The following AK9 variants were observed in gnomAD, a reference collection of about 807,000 sequenced individuals.
AK9 encodes adenylate kinase 9.
A neutral mutation model predicts 239.6 loss-of-function variants in AK9; 191 were observed. That is an observed-to-expected ratio of 0.80 (90% CI 0.71 to 0.90). The LOEUF is 0.90. AK9 is among the 40% of genes least tolerant of loss of function. AK9 has a pLI of 0.00. For missense variants in AK9, 1,995 were observed against 2,214.7 expected, an observed-to-expected ratio of 0.90 and a Z score of 1.99; for synonymous variants, 689 against 721.0, an observed-to-expected ratio of 0.96 and a Z score of 0.71.
intron 20 of AK9, 98 bp from the exon 21 acceptor site, chr6:109,573,692 G>T: frequency 1.7e-6 from 2 of 1,171,908 alleles, no homozygotes; most frequent in South Asian, 1.6e-5. Context: ...AATATGAAAT[G>T]GTCCCTGCCC....
At chr6:109,504,381 A>C (rs1777898444) in intron 35 of AK9, among the ~76,000 whole-genome samples, 1 of 152,150 alleles carries the variant, frequency 6.6e-6, no homozygotes, top group African/African-American at 2.4e-5. Flanking sequence ...AAAAAATAAA[A>C]TTAAAGAATA....
chr6:109,606,054 T>C (rs922335850), intron 17 of AK9, among the ~76,000 whole-genome samples: 2 of 151,996 alleles, frequency 1.3e-5, no homozygotes, highest in Non-Finnish European at 2.9e-5. Flanking sequence ...GAAATCAAAC[T>C]CTCAAGAGTT....
intron 8 of AK9, among the ~76,000 whole-genome samples, chr6:109,650,503 A>AG (rs1798770825): frequency 2.0e-5 from 3 of 149,842 alleles, no homozygotes; most frequent in Admixed American, 2.0e-4. Flanking sequence ...CTGGCCGTCC[A>AG]AGAAATGCAA....
At chr6:109,606,139 T>C (rs1430629242) in intron 17 of AK9, among the ~76,000 whole-genome samples, 1 of 152,204 alleles carries the variant, frequency 6.6e-6, no homozygotes, top group African/African-American at 2.4e-5. Context: ...CTCATTCTTC[T>C]ATCCTCCTGT....
At chr6:109,545,120 T>G (rs1783372234) in intron 26 of AK9, among the ~76,000 whole-genome samples, 1 of 152,178 alleles carries the variant, frequency 6.6e-6, no homozygotes, top group South Asian at 2.1e-4. Flanking sequence ...TACCCCAGAT[T>G]AACACCAGTA....
Position 109,573,497 on chromosome 6 carries a change from T to G in AK9, c.2289A>C (p.Ser763=), listed in dbSNP as rs1787685960. Residue 763 remains serine (S), a synonymous_variant, in exon 21 of 41, where the codon TCA becomes TCC. Coordinates refer to ENST00000424296, the MANE Select transcript of AK9 (RefSeq NM_001145128.3). ...ATGCTTCAAACTCCTCAGGTAACCA[T>G]GACCCTCGGGTATCGTGAGATGCCT... ...EPEASHDTRG[S]WLPEEFEASE... 2 of 1,551,304 alleles carry G rather than the reference T, an allele frequency of 1.3e-6. No individual in the cohort carries two copies. The highest frequency in any genetic ancestry group is 3.9e-5 in the Admixed American group (2 of 50,972).
In AK9 at chr6:109,497,968, A is replaced by G. The variant is rs368703112; in HGVS notation, c.5047-3T>C. On this transcript the variant is annotated splice_region_variant and splice_polypyrimidine_tract_variant and intron_variant, in intron 36 of 40. Transcript: ENST00000424296. ...AATTCTGGGTTCTCCAAGAATTTCT[A>G]TTAAAAAAGAATTCCAGTAGCAACA... is the stretch of plus-strand genomic sequence containing the variant. The G allele has an allele frequency of 1.6e-4, 253 of 1,612,312 alleles. No homozygotes were observed. Among genetic ancestry groups the G allele is most frequent in the Non-Finnish European group, 2.0e-4 (236 of 1,178,668 alleles).
intron 35 of AK9, among the ~76,000 whole-genome samples, chr6:109,502,069 C>T (rs187401380): frequency 6.6e-6 from 1 of 152,302 alleles, no homozygotes; most frequent in East Asian, 1.9e-4. Flanking sequence ...ACAGGGTGGG[C>T]TGATCTGACA....
At chr6:109,617,917 CCTCT>C (rs1403712002) in intron 13 of AK9, among the ~76,000 whole-genome samples, 1 of 152,016 alleles carries the variant, frequency 6.6e-6, no homozygotes, top group East Asian at 1.9e-4. Flanking sequence ...TTAAATAATC[CCTCT>C]GAGTTTCTTC....
chr6:109,578,085 C>G (rs1012775946), intron 20 of AK9, among the ~76,000 whole-genome samples: 1 of 152,058 alleles, frequency 6.6e-6, no homozygotes, highest in Non-Finnish European at 1.5e-5. Flanking sequence ...GCGTGCACCA[C>G]CACGCCTGGC....
At chr6:109,648,253 A>C (rs1798361821) in intron 8 of AK9, among the ~76,000 whole-genome samples, 1 of 152,230 alleles carries the variant, frequency 6.6e-6, no homozygotes, top group South Asian at 2.1e-4. Flanking sequence ...GCAGAACTGA[A>C]GGAAATAGAG....
chr6:109,535,344 C>T (rs769437575), intron 27 of AK9, among the ~76,000 whole-genome samples: 14 of 152,192 alleles, frequency 9.2e-5, no homozygotes, highest in Non-Finnish European at 8.8e-5. Flanking sequence ...ATCTGCATTT[C>T]TCTGACGGTC....
At chr6:109,603,680 C>T (rs536034466) in intron 17 of AK9, among the ~76,000 whole-genome samples, 16 of 152,202 alleles carry the variant, frequency 1.1e-4, no homozygotes, top group Non-Finnish European at 2.4e-4. Context: ...GTGGAGTCTA[C>T]AGAGGCAGGC....
At chr6:109,601,486 T>G (rs376878593) in intron 17 of AK9, among the ~76,000 whole-genome samples, 23 of 152,280 alleles carry the variant, frequency 1.5e-4, no homozygotes, top group South Asian at 1.5e-3. Context: ...GAGGAGTGCT[T>G]TACTACTTCC....
Position 109,614,490 on chromosome 6 carries a change from A to AAC in AK9, c.1400-12_1400-11dup. The AAC allele has an allele frequency of 6.5e-7, 1 of 1,549,608 alleles. No homozygotes were observed. Among genetic ancestry groups the AAC allele is most frequent in the African/African-American group, 1.4e-5 (1 of 73,100 alleles). On this transcript the variant is annotated splice_polypyrimidine_tract_variant and intron_variant, in intron 13 of 40. Coordinates refer to ENST00000424296, the MANE Select transcript of AK9 (RefSeq NM_001145128.3). ...CTTAAAGCTGTTTCAGCTGAAATAT[A>AAC]ACAATGGGTGGTGTTAGCAAAACGT...
chr6:109,496,989 T>A (rs1477327660), intron 38 of AK9, among the ~76,000 whole-genome samples: 2 of 151,968 alleles, frequency 1.3e-5, no homozygotes, highest in African/African-American at 2.4e-5. Flanking sequence ...CCTTCCACAC[T>A]CTGACCCTGC....
chr6:109,640,793 T>A (rs1562534668), intron 10 of AK9, among the ~76,000 whole-genome samples: 2 of 152,148 alleles, frequency 1.3e-5, no homozygotes, highest in South Asian at 4.2e-4. Flanking sequence ...AAACTCCTTG[T>A]GGCACTTTTG....
intron 8 of AK9, among the ~76,000 whole-genome samples, chr6:109,650,209 G>A: frequency 6.6e-6 from 1 of 151,598 alleles, no homozygotes; most frequent in East Asian, 1.9e-4. Context: ...CAAAAGCAAT[G>A]GCAACAAAAG....
rs1392111056 is a variant in AK9, at chr6:109,624,348, C to T, written c.1255-5112G>A. On this transcript the variant is annotated intron_variant, in intron 12 of 40. Transcript: ENST00000424296. ...CTTTTGCTTCTGGATCCCATGTCACCATCTTGGTTTAGGCCCCCATTTTGA... is the reference window on the plus strand; with the variant it reads ...CTTTTGCTTCTGGATCCCATGTCACTATCTTGGTTTAGGCCCCCATTTTGA... Among the ~76,000 whole-genome samples, 4 of 152,148 alleles carry T rather than the reference C, an allele frequency of 2.6e-5. No homozygotes were observed. The South Asian group carries it at 8.3e-4, about 32-fold the overall frequency.
Sources: gnomAD v4.1 joint callset for allele counts (sites outside exome capture counted in the v4.1 genomes callset) on GRCh38, gnomAD v4.1.1 for gene constraint, MANE v1.5 for transcripts, NCBI Gene and HGNC (gene_info 2026-07-23, HGNC 2026-07-21) for gene names.